RGS7: variants seen among roughly 807,000 people sequenced by gnomAD.
RGS7 encodes regulator of G-protein signaling 7.
Under a neutral mutation model 81.1 loss-of-function variants are expected in RGS7, and 27 were observed. That is an observed-to-expected ratio of 0.33 (90% CI 0.25 to 0.46). The LOEUF (loss-of-function observed/expected upper bound fraction) is 0.46. Among genes scored for constraint, RGS7 ranks in the 20% least tolerant of loss-of-function variants. The probability of loss-of-function intolerance (pLI) is 1.00; values close to 1 mark genes in which losing one functional copy is unlikely to be tolerated. For synonymous variants in RGS7, 208 were observed against 207.7 expected (o/e 1.00, Z -0.01); for missense variants, 396 against 607.4 (o/e 0.65, Z 3.66).
At chr1:240,949,495 C>T (rs542344071) in intron 4 of RGS7, among the ~76,000 whole-genome samples, 1 of 152,278 alleles carries the variant, frequency 6.6e-6, no homozygotes, top group South Asian at 2.1e-4. Flanking sequence ...GAAGGTGACA[C>T]TCTCCCTCTC....
In RGS7 at chr1:241,332,622, C is replaced by T. The variant is rs113976709; in HGVS notation, c.78+23077G>A. 8.2e-3 allele frequency among the ~76,000 whole-genome samples: 1,253 copies of T among 152,214 alleles called. 13 individuals carry two copies. Among genetic ancestry groups the T allele is most frequent in the South Asian group, 0.016 (77 of 4,824 alleles). On this transcript the variant is annotated intron_variant, in intron 2 of 18. Transcript: ENST00000440928. ...AGAGTCCATGAAGTATCTAACACAA[C>T]GAAACATTTCCTTTTTAGAGAAAAC...
At chr1:241,272,247 CCTCCCAAA>C (rs1325655140) in intron 2 of RGS7, among the ~76,000 whole-genome samples, 64 of 152,218 alleles carry the variant, frequency 4.2e-4, no homozygotes, top group Non-Finnish European at 7.9e-4. Context: ...CCCACCTCGG[CCTCCCAAA>C]GTGCTGGGAT....
chr1:241,288,233 G>A (rs1211346662), intron 2 of RGS7, among the ~76,000 whole-genome samples: 1 of 152,196 alleles, frequency 6.6e-6, no homozygotes, highest in Non-Finnish European at 1.5e-5. Context: ...CCATGAGGCT[G>A]GTAGTGTCTC....
At chr1:241,303,815 A>T (rs2079918190) in intron 2 of RGS7, among the ~76,000 whole-genome samples, 1 of 152,154 alleles carries the variant, frequency 6.6e-6, no homozygotes, top group Non-Finnish European at 1.5e-5. Flanking sequence ...TTCATTTAAC[A>T]TGTTCCTCTG....
At chr1:240,918,418 T>G (rs1379164344) in intron 6 of RGS7, among the ~76,000 whole-genome samples, 1 of 151,866 alleles carries the variant, frequency 6.6e-6, no homozygotes, top group Non-Finnish European at 1.5e-5. Flanking sequence ...AACAATAGAA[T>G]TAAACTAGAA....
At chr1:240,912,563 A>G (rs1671944943) in intron 6 of RGS7, among the ~76,000 whole-genome samples, 1 of 152,114 alleles carries the variant, frequency 6.6e-6, no homozygotes, top group Non-Finnish European at 1.5e-5. Flanking sequence ...GGGATGGTCA[A>G]TCCTCAAAAT....
chr1:241,182,598 A>C (rs947267272), intron 2 of RGS7, among the ~76,000 whole-genome samples: 1 of 149,424 alleles, frequency 6.7e-6, no homozygotes. Flanking sequence ...CCTGAGCCTT[A>C]GTTTTTCCAG....
Position 240,905,848 on chromosome 1 carries a change from C to T in RGS7, c.385+24869G>A, listed in dbSNP as rs115936400. Among the ~76,000 whole-genome samples the T allele has an allele frequency of 1.9e-3, 284 of 152,216 alleles. 2 individuals carry two copies. Among genetic ancestry groups the T allele is most frequent in the African/African-American group, 6.2e-3 (258 of 41,526 alleles). On this transcript the variant is annotated intron_variant, in intron 6 of 18. Coordinates refer to ENST00000440928, the MANE Select transcript of RGS7 (RefSeq NM_001364886.1). ...GCACCAGGGATCTCACCTCTAATCC[C>T]GCCATTGCATGAAGAGAATGCCTTG...
At chr1:240,835,555 C>T (rs560346926) in intron 9 of RGS7, among the ~76,000 whole-genome samples, 1 of 152,296 alleles carries the variant, frequency 6.6e-6, no homozygotes, top group South Asian at 2.1e-4. Context: ...ACACTCTAAC[C>T]ATTCGATCCA....
At chr1:241,296,010 A>T (rs150815839) in intron 2 of RGS7, among the ~76,000 whole-genome samples, 4 of 152,208 alleles carry the variant, frequency 2.6e-5, no homozygotes, top group Non-Finnish European at 5.9e-5. Context: ...CTTATTTCGA[A>T]CATGTTGAGC....
chr1:241,040,679 A>T (rs2060569946), intron 3 of RGS7, among the ~76,000 whole-genome samples: 1 of 152,026 alleles, frequency 6.6e-6, no homozygotes. Flanking sequence ...TAGTAGAGAC[A>T]GGGTTTTACC....
At chr1:241,090,461 T>A (rs1442129946) in intron 3 of RGS7, among the ~76,000 whole-genome samples, 1 of 152,132 alleles carries the variant, frequency 6.6e-6, no homozygotes, top group South Asian at 2.1e-4. Flanking sequence ...AAATACTGTA[T>A]ACACAGTTGA....
At chr1:241,066,415 A>G (rs569724055) in intron 3 of RGS7, among the ~76,000 whole-genome samples, 2 of 152,218 alleles carry the variant, frequency 1.3e-5, no homozygotes, top group Non-Finnish European at 2.9e-5. Context: ...TAAAGAAACT[A>G]TAGTCATAGG....
chr1:241,298,774 G>A (rs768759640), intron 2 of RGS7, among the ~76,000 whole-genome samples: 2 of 152,158 alleles, frequency 1.3e-5, no homozygotes, highest in Admixed American at 6.5e-5. Context: ...AGTCACAGGC[G>A]ATCCATGCTG....
chr1:241,275,139 A>G (rs1322055100), intron 2 of RGS7, among the ~76,000 whole-genome samples: 1 of 152,194 alleles, frequency 6.6e-6, no homozygotes, highest in African/African-American at 2.4e-5. Flanking sequence ...CTCCCCATAA[A>G]GCCTGAATAT....
At position 241,255,190 on chromosome 1, in the gene RGS7, C is replaced by T. The variant is rs374804245; in HGVS notation, c.78+100509G>A. On this transcript the variant is annotated intron_variant, in intron 2 of 18. Transcript: ENST00000440928. The stretch of plus-strand genomic sequence containing the variant: ...TCTGAGTGATAAATGTGAAATAGTA[C>T]AAGCAGACTATCGCCAGTTCTGAAT... Among the ~76,000 whole-genome samples the T allele has an allele frequency of 2.7e-4, 41 of 152,250 alleles. No individual in the cohort carries two copies. The South Asian group carries it at 3.7e-3, about 14-fold the overall frequency.
chr1:241,151,023 C>T (rs1310083622), intron 2 of RGS7, among the ~76,000 whole-genome samples: 3 of 152,186 alleles, frequency 2.0e-5, no homozygotes, highest in Admixed American at 6.5e-5. Flanking sequence ...AGTCTGCCCC[C>T]TCCTTCCACC....
intron 3 of RGS7, among the ~76,000 whole-genome samples, chr1:241,049,033 C>A (rs2061105283): frequency 6.6e-6 from 1 of 152,158 alleles, no homozygotes; most frequent in Non-Finnish European, 1.5e-5. Context: ...GTCTTCATCT[C>A]CTGTTTGAAT....
intron 3 of RGS7, among the ~76,000 whole-genome samples, chr1:241,025,953 G>A (rs2059760397): frequency 6.6e-6 from 1 of 152,134 alleles, no homozygotes; most frequent in Admixed American, 6.5e-5. Context: ...TGCTGTTCGT[G>A]CAGCACATAG....
Sources: gnomAD v4.1 joint callset for allele counts (sites outside exome capture counted in the v4.1 genomes callset) on GRCh38, gnomAD v4.1.1 for gene constraint, MANE v1.5 for transcripts, NCBI Gene and HGNC (gene_info 2026-07-23, HGNC 2026-07-21) for gene names.